ESRRB: variants seen among roughly 807,000 people sequenced by gnomAD.
ESRRB encodes estrogen related receptor beta.
A neutral mutation model predicts 46.0 loss-of-function variants in ESRRB; 16 were observed. The ratio of observed to expected loss-of-function variants is 0.35; its 90% CI spans 0.24 to 0.53. ESRRB has a LOEUF of 0.53. Ranked by LOEUF, ESRRB falls within the 20% of genes least tolerant of loss-of-function variation. The probability of loss-of-function intolerance (pLI) is 0.93; values close to 1 mark genes in which losing one functional copy is unlikely to be tolerated. For synonymous variants in ESRRB, 246 were observed against 259.6 expected (o/e 0.95, Z 0.50); for missense variants, 488 against 607.4 (o/e 0.80, Z 2.07).
chr14:76,390,537 T>C (rs1318317251), intron 1 of ESRRB, among the ~76,000 whole-genome samples: 6 of 152,218 alleles, frequency 3.9e-5, no homozygotes, highest in Admixed American at 6.5e-5. Flanking sequence ...AAGGTACTTA[T>C]AGCAGAAACT....
intron 1 of ESRRB, among the ~76,000 whole-genome samples, chr14:76,415,785 G>A (rs1220718483): frequency 6.6e-6 from 1 of 152,182 alleles, no homozygotes; most frequent in Non-Finnish European, 1.5e-5. Flanking sequence ...GGGATTACAG[G>A]CATGAGCCAC....
chr14:76,334,929 G>A (rs1884108703), intron 1 of ESRRB, among the ~76,000 whole-genome samples: 1 of 152,196 alleles, frequency 6.6e-6, no homozygotes, highest in Non-Finnish European at 1.5e-5. Context: ...GGCCCTGTGG[G>A]TATGGAGGTG....
chr14:76,327,105 T>G (rs1327570724), intron 1 of ESRRB, among the ~76,000 whole-genome samples: 2 of 152,260 alleles, frequency 1.3e-5, no homozygotes, highest in African/African-American at 4.8e-5. Flanking sequence ...AGTGGCCCAC[T>G]GTCCTTCACT....
rs1362309981 is a variant in ESRRB at position 76,463,445 on chromosome 14, G to GTTTTTTTTGTTTTGTTTT, written c.577+792_577+793insGTTTTGTTTTTTTTTTTT. 372 of 114,688 alleles carry GTTTTTTTTGTTTTGTTTT rather than the reference G, an allele frequency of 3.2e-3. 17 individuals carry two copies. Among genetic ancestry groups the GTTTTTTTTGTTTTGTTTT allele is most frequent in the African/African-American group, 0.013 (352 of 27,268 alleles). 7.1% of individuals were successfully genotyped at this position (114,688 alleles called of 1,614,324 possible). A position where few individuals can be genotyped will look rare whatever the true frequency, so the allele number is the denominator to read the frequency against. On this transcript the variant is annotated intron_variant, in intron 3 of 6. Coordinates refer to ENST00000644823, the MANE Select transcript of ESRRB (RefSeq NM_001379180.1). The stretch of plus-strand genomic sequence containing the variant: ...TGAAATTAGCATCACATGCTTCTTT[G>GTTTTTTTTGTTTTGTTTT]TTTTTTTTTTTTTTTTTTGGAGACG...
chr14:76,430,840 C>T (rs1348773280), intron 1 of ESRRB, among the ~76,000 whole-genome samples: 4 of 152,214 alleles, frequency 2.6e-5, no homozygotes, highest in African/African-American at 9.6e-5. Flanking sequence ...CTCTGGGGGC[C>T]GTCCTTCAGC....
At position 76,491,626 on chromosome 14, in the gene ESRRB, G is replaced by C; in HGVS notation, c.1030G>C (p.Ala344Pro). 6.3e-7 allele frequency: 1 copy of C among 1,584,146 alleles called. No homozygotes were observed. The highest frequency in any genetic ancestry group is 8.6e-7 in the Non-Finnish European group (1 of 1,166,286). Residue 344 changes from alanine to proline, a missense_variant, in exon 6 of 7, where the codon GCC becomes CCC. Ala to Pro is a conservative substitution (Grantham distance 27, BLOSUM62 -1). Transcript: ENST00000644823. ...CGCGGGGCTGCTGGAGCTCTACCGG[G>C]CCATCCTGCAGCTGGTACGCAGGTA... ...RLAGLLELYR[A>P]ILQLVRRYKK...
chr14:76,401,940 C>T (rs1052634418), intron 1 of ESRRB, among the ~76,000 whole-genome samples: 3 of 152,178 alleles, frequency 2.0e-5, no homozygotes, highest in Non-Finnish European at 4.4e-5. Flanking sequence ...AAGCTGGAGA[C>T]CCAGGAGAGC....
intron 1 of ESRRB, among the ~76,000 whole-genome samples, chr14:76,398,328 C>T (rs893887518): frequency 6.6e-6 from 1 of 152,190 alleles, no homozygotes; most frequent in Non-Finnish European, 1.5e-5. Flanking sequence ...GGCATTTAAA[C>T]ATAGACCCAC....
intron 2 of ESRRB, among the ~76,000 whole-genome samples, chr14:76,440,094 G>A (rs528655320): frequency 1.3e-5 from 2 of 152,222 alleles, no homozygotes; most frequent in Admixed American, 6.5e-5. Context: ...TATTTTGTGC[G>A]GGGGAAAAAT....
chr14:76,345,842 G>A (rs191119694), intron 1 of ESRRB, among the ~76,000 whole-genome samples: 41 of 152,306 alleles, frequency 2.7e-4, no homozygotes, highest in Middle Eastern at 3.4e-3. Context: ...TCTGTCTCAC[G>A]TTTGTTTTTT....
intron 2 of ESRRB, among the ~76,000 whole-genome samples, chr14:76,440,904 C>T (rs768926973): frequency 3.3e-5 from 5 of 152,040 alleles, no homozygotes; most frequent in East Asian, 3.9e-4. Flanking sequence ...AAAAATCAGC[C>T]GGGTGTAGTG....
intron 6 of ESRRB, among the ~76,000 whole-genome samples, chr14:76,494,307 C>CTA (rs1555345112): frequency 2.1e-5 from 3 of 142,262 alleles, no homozygotes; most frequent in African/African-American, 5.2e-5. Context: ...TACAGAATAA[C>CTA]TTTTTTTTTT....
At chr14:76,489,380 C>T (rs1021045572) in intron 5 of ESRRB, among the ~76,000 whole-genome samples, 13 of 151,528 alleles carry the variant, frequency 8.6e-5, no homozygotes, top group Non-Finnish European at 4.4e-5. Context: ...TCTTTTATTA[C>T]CTCCCAGCTC....
intron 1 of ESRRB, among the ~76,000 whole-genome samples, chr14:76,433,582 AGGTAGCT>A (rs1243346542): frequency 1.3e-5 from 2 of 152,212 alleles, no homozygotes; most frequent in Non-Finnish European, 2.9e-5. Flanking sequence ...TTTGTTTACA[AGGTAGCT>A]GGTGCTGCCT....
chr14:76,312,241 A>G (rs1205665194), intron 1 of ESRRB, among the ~76,000 whole-genome samples: 1 of 152,216 alleles, frequency 6.6e-6, no homozygotes, highest in Non-Finnish European at 1.5e-5. Flanking sequence ...GCATGAAACC[A>G]GTTAGTTTCA....
chr14:76,416,621 C>T (rs376045121), intron 1 of ESRRB, among the ~76,000 whole-genome samples: 2 of 152,056 alleles, frequency 1.3e-5, no homozygotes, highest in East Asian at 1.9e-4. Flanking sequence ...AGATACCCAC[C>T]ACCACACCTG....
chr14:76,413,898 C>T (rs1474219482), intron 1 of ESRRB, among the ~76,000 whole-genome samples: 1 of 118,186 alleles, frequency 8.5e-6, no homozygotes. Flanking sequence ...CTGCACCGTC[C>T]CCTGCCCCTG....
chr14:76,479,835 AAC>A (rs1403436319), intron 3 of ESRRB, among the ~76,000 whole-genome samples: 1 of 152,120 alleles, frequency 6.6e-6, no homozygotes, highest in African/African-American at 2.4e-5. Context: ...ACAGACTTCC[AAC>A]AGTTTCCGTA....
chr14:76,491,392 C>T lies in ESRRB; in HGVS notation c.851-55C>T, dbSNP rs1037963542. 11 of 1,578,402 alleles carry T rather than the reference C, an allele frequency of 7.0e-6. No individual in the cohort carries two copies. In the South Asian group the frequency reaches 1.1e-4, roughly 16 times the overall value. ...CTGCCCCCAGCGAGCCCCAGGGAGGCCCCTGGTCCGCCCTCCTGACCTGCT... is the reference window on the plus strand; with the variant it reads ...CTGCCCCCAGCGAGCCCCAGGGAGGTCCCTGGTCCGCCCTCCTGACCTGCT... On this transcript the variant is annotated intron_variant, in intron 5 of 6. Transcript: ENST00000644823.
Sources: gnomAD v4.1 joint callset for allele counts (sites outside exome capture counted in the v4.1 genomes callset) on GRCh38, gnomAD v4.1.1 for gene constraint, MANE v1.5 for transcripts, NCBI Gene and HGNC (gene_info 2026-07-23, HGNC 2026-07-21) for gene names.